The following CDH18 variants were observed in gnomAD, a reference collection of about 807,000 sequenced individuals.
CDH18 encodes the protein cadherin-18.
Under a neutral mutation model 67.9 loss-of-function variants are expected in CDH18, and 31 were observed. That is an observed-to-expected ratio of 0.46 (90% CI 0.34 to 0.62). The LOEUF (loss-of-function observed/expected upper bound fraction) is 0.62. CDH18 is among the 20% of genes least tolerant of loss of function. The probability of loss-of-function intolerance (pLI) is 0.01; values close to 1 mark genes in which losing one functional copy is unlikely to be tolerated. For missense variants in CDH18, 890 were observed against 975.5 expected, an observed-to-expected ratio of 0.91 and a Z score of 1.17; for synonymous variants, 362 against 347.2, an observed-to-expected ratio of 1.04 and a Z score of -0.48.
intron 2 of CDH18, among the ~76,000 whole-genome samples, chr5:20,096,197 G>A (rs1052755562): frequency 1.3e-5 from 2 of 152,082 alleles, no homozygotes; most frequent in African/African-American, 4.8e-5. Context: ...CTTTATGAAT[G>A]CGTATTCAAA....
chr5:19,498,495 C>A (rs1742709342), intron 11 of CDH18, among the ~76,000 whole-genome samples: 1 of 152,188 alleles, frequency 6.6e-6, no homozygotes, highest in Non-Finnish European at 1.5e-5. Context: ...TACCACTGCA[C>A]TTCCTTGCTC....
intron 10 of CDH18, among the ~76,000 whole-genome samples, chr5:19,513,170 G>A (rs971767704): frequency 6.6e-6 from 1 of 151,896 alleles, no homozygotes; most frequent in African/African-American, 2.4e-5. Flanking sequence ...TGCAGTGGCA[G>A]GATCACAGCT....
rs561611501 is a variant in CDH18 at position 20,063,060 on chromosome 5, T to C, written c.-517-71046A>G. Among the ~76,000 whole-genome samples, 7 of 150,426 alleles carry C rather than the reference T, an allele frequency of 4.7e-5. No homozygotes were observed. The South Asian group carries it at 8.4e-4, about 18-fold the overall frequency. ...CTGGGGTACACCAATATGCTTCTTATAGAAATAAAAATAATTATGTCTTTG... is the reference window on the plus strand; with the variant it reads ...CTGGGGTACACCAATATGCTTCTTACAGAAATAAAAATAATTATGTCTTTG... On this transcript the variant is annotated intron_variant, in intron 2 of 14. Transcript: ENST00000507958.
chr5:20,098,558 T>C (rs1746184758), intron 2 of CDH18, among the ~76,000 whole-genome samples: 1 of 152,078 alleles, frequency 6.6e-6, no homozygotes. Flanking sequence ...GATTTTTACA[T>C]TTTATACTTC....
chr5:19,877,088 C>T (rs755351928), intron 2 of CDH18, among the ~76,000 whole-genome samples: 39 of 152,130 alleles, frequency 2.6e-4, no homozygotes, highest in Non-Finnish European at 4.3e-4. Context: ...CCATGCACAA[C>T]AGACTTCAAA....
At chr5:19,516,616 A>G (rs1241711000) in intron 10 of CDH18, among the ~76,000 whole-genome samples, 3 of 151,798 alleles carry the variant, frequency 2.0e-5, no homozygotes, top group Non-Finnish European at 1.5e-5. Context: ...TTTCTTCTAG[A>G]TTTTCTAGTT....
chr5:19,927,266 A>G (rs951720593), intron 2 of CDH18, among the ~76,000 whole-genome samples: 1 of 152,200 alleles, frequency 6.6e-6, no homozygotes, highest in African/African-American at 2.4e-5. Flanking sequence ...GAGTAAGGAC[A>G]TCATTACTCA....
At chr5:19,921,171 T>C (rs1467545581) in intron 2 of CDH18, among the ~76,000 whole-genome samples, 1 of 152,148 alleles carries the variant, frequency 6.6e-6, no homozygotes, top group Non-Finnish European at 1.5e-5. Context: ...ATTGTAATTA[T>C]GAACTGGATG....
At chr5:20,546,669 C>T (rs1315582898) in intron 1 of CDH18, among the ~76,000 whole-genome samples, 1 of 152,020 alleles carries the variant, frequency 6.6e-6, no homozygotes, top group Admixed American at 6.6e-5. Context: ...CATCACATCC[C>T]TCCCTGGATA....
At chr5:19,958,877 T>C (rs534260932) in intron 2 of CDH18, among the ~76,000 whole-genome samples, 1 of 152,222 alleles carries the variant, frequency 6.6e-6, no homozygotes, top group South Asian at 2.1e-4. Context: ...CATCACTTCA[T>C]CAGGTCATTG....
intron 1 of CDH18, among the ~76,000 whole-genome samples, chr5:20,489,725 C>T (rs942112144): frequency 6.6e-6 from 1 of 151,874 alleles, no homozygotes; most frequent in Admixed American, 6.6e-5. Flanking sequence ...AATTAATTGA[C>T]GTCCTGCAGC....
intron 1 of CDH18, among the ~76,000 whole-genome samples, chr5:20,494,775 T>G (rs1753812049): frequency 6.6e-6 from 1 of 151,998 alleles, no homozygotes; most frequent in African/African-American, 2.4e-5. Context: ...CCTCGAAACA[T>G]GAGTAGGTCT....
intron 1 of CDH18, among the ~76,000 whole-genome samples, chr5:20,373,294 C>A (rs1224304438): frequency 6.6e-6 from 1 of 152,124 alleles, no homozygotes; most frequent in Non-Finnish European, 1.5e-5. Flanking sequence ...GTTTTCACAG[C>A]AATCTTTCTT....
intron 1 of CDH18, among the ~76,000 whole-genome samples, chr5:20,317,670 T>C (rs1737598459): frequency 6.6e-6 from 1 of 152,204 alleles, no homozygotes; most frequent in African/African-American, 2.4e-5. Context: ...CAACATAAGC[T>C]TTTATGCATA....
chr5:20,439,783 G>A (rs765198486), intron 1 of CDH18, among the ~76,000 whole-genome samples: 23 of 151,650 alleles, frequency 1.5e-4, no homozygotes, highest in Non-Finnish European at 2.5e-4. Flanking sequence ...ATTTTACTCC[G>A]TGTGGAATGT....
intron 1 of CDH18, among the ~76,000 whole-genome samples, chr5:20,313,148 A>G (rs185246056): frequency 3.9e-5 from 6 of 152,272 alleles, no homozygotes; most frequent in South Asian, 2.1e-4. Context: ...AAAGTTTACA[A>G]TTTAAGTCAT....
At chr5:19,571,947 A>G in intron 7 of CDH18, 115 bp from the exon 8 acceptor site, 2 of 791,538 alleles carry the variant, frequency 2.5e-6, no homozygotes, top group South Asian at 3.7e-5. Flanking sequence ...ATTGAGAGAG[A>G]GATAAGTCAT....
At chr5:19,615,700 C>T (rs1258398061) in intron 5 of CDH18, among the ~76,000 whole-genome samples, 1 of 152,082 alleles carries the variant, frequency 6.6e-6, no homozygotes, top group Non-Finnish European at 1.5e-5. Flanking sequence ...TCTATCCCTC[C>T]CCTCCCTCAA....
At chr5:19,776,516 A>C (rs1192855122) in intron 3 of CDH18, among the ~76,000 whole-genome samples, 2 of 152,176 alleles carry the variant, frequency 1.3e-5, no homozygotes, top group African/African-American at 4.8e-5. Context: ...GAAGTAAAAG[A>C]GGAGAAAATA....
Sources: gnomAD v4.1 joint callset for allele counts (sites outside exome capture counted in the v4.1 genomes callset) on GRCh38, gnomAD v4.1.1 for gene constraint, MANE v1.5 for transcripts, NCBI Gene and HGNC (gene_info 2026-07-23, HGNC 2026-07-21) for gene names.